TRNT1: variants seen among roughly 807,000 people sequenced by gnomAD.
TRNT1 encodes the protein tRNA nucleotidyl transferase 1.
In TRNT1, 44 loss-of-function variants were observed where a neutral mutation model predicts 45.6. That is an observed-to-expected ratio of 0.97 (90% CI 0.76 to 1.24). The LOEUF is 1.24. TRNT1 is among the 50% of genes most tolerant of loss of function. The pLI, the probability that TRNT1 is intolerant of heterozygous loss-of-function variation, is 0.00. For missense variants in TRNT1, 633 were observed against 504.4 expected, an observed-to-expected ratio of 1.25 and a Z score of -2.44; for synonymous variants, 201 against 171.4, an observed-to-expected ratio of 1.17 and a Z score of -1.35.
At chr3:3,149,743 A>C (rs981757010), downstream of TRNT1, 1 of 152,190 alleles carries the variant, frequency 6.6e-6, no homozygotes, top group African/African-American at 2.4e-5. Flanking sequence ...CTATTTACAT[A>C]AATATGCAGT....
At chr3:3,135,852 T>TG (rs1454819309) in intron 2 of TRNT1, among the ~76,000 whole-genome samples, 2 of 152,184 alleles carry the variant, frequency 1.3e-5, no homozygotes, top group Non-Finnish European at 2.9e-5. Flanking sequence ...AGGAGCAACA[T>TG]GCTGAGTGAG....
intron 4 of TRNT1, among the ~76,000 whole-genome samples, chr3:3,141,609 C>G (rs1351799540): frequency 6.6e-6 from 1 of 152,062 alleles, no homozygotes; most frequent in African/African-American, 2.4e-5. Context: ...GGGCTAGATA[C>G]GAATTAGGTT....
At chr3:3,146,700 T>G (rs1056255245) in intron 6 of TRNT1, 77 bp downstream of exon 6, 1 of 1,307,574 alleles carries the variant, frequency 7.6e-7, no homozygotes, top group Non-Finnish European at 1.0e-6. Context: ...AAAAAATGTT[T>G]GACTCATTTG....
chr3:3,146,671 G>A, intron 6 of TRNT1, 48 bp downstream of exon 6: 2 of 1,442,116 alleles, frequency 1.4e-6, no homozygotes, highest in South Asian at 1.4e-5. Flanking sequence ...TGAAATATCT[G>A]GTTTCAAATT....
intron 2 of TRNT1, among the ~76,000 whole-genome samples, chr3:3,131,135 CT>C (rs1174292123): frequency 6.6e-6 from 1 of 151,826 alleles, no homozygotes; most frequent in African/African-American, 2.4e-5. Context: ...TCTTTGAAGT[CT>C]GGCATGCATT....
chr3:3,139,262 T>G (rs985784262), intron 3 of TRNT1, among the ~76,000 whole-genome samples: 1 of 152,194 alleles, frequency 6.6e-6, no homozygotes, highest in Non-Finnish European at 1.5e-5. Context: ...GCAAACAGTT[T>G]TCCTATTTCA....
At chr3:3,130,080 T>A in intron 2 of TRNT1, 1 of 1,050,692 alleles carries the variant, frequency 9.5e-7, no homozygotes, top group Non-Finnish European at 1.4e-6. Context: ...ATTCTCAATG[T>A]TGTCTGCTGA....
At chr3:3,153,054 G>A, downstream of TRNT1, 1 of 308,192 alleles carries the variant, frequency 3.2e-6, no homozygotes, top group Non-Finnish European at 6.2e-6. Context: ...TATGTGTTCA[G>A]AAGCATGTCC....
chr3:3,144,659 A>C lies in TRNT1; in HGVS notation c.557A>C (p.His186Pro). ...LKNKKVRFVG[H>P]AKQRIQEDYL... Reference sequence around the variant, plus strand: ...AATAAGAAAGTTAGATTTGTTGGACATGCTAAACAGAGAATACAAGAGGAT... The same window carrying C: ...AATAAGAAAGTTAGATTTGTTGGACCTGCTAAACAGAGAATACAAGAGGAT... The change falls in exon 5 of 8, where the codon CAT becomes CCT. Residue 186 changes from histidine to proline, a missense_variant. His to Pro is a moderately conservative substitution (Grantham distance 77). Coordinates refer to ENST00000251607, the MANE Select transcript of TRNT1 (RefSeq NM_182916.3). The C allele has an allele frequency of 1.3e-6, 2 of 1,579,934 alleles. No homozygotes were observed. The highest frequency in any genetic ancestry group is 1.7e-6 in the Non-Finnish European group (2 of 1,154,486).
chr3:3,152,689 C>G (rs1706663034), downstream of TRNT1: 8 of 1,390,674 alleles, frequency 5.8e-6, no homozygotes, highest in South Asian at 8.5e-5. Flanking sequence ...GAGGTATGAG[C>G]TATACAGTTT....
intron 5 of TRNT1, chr3:3,144,911 C>T (rs1575061767): frequency 3.0e-6 from 1 of 328,304 alleles, no homozygotes; most frequent in Non-Finnish European, 5.2e-6. Context: ...CCAGAACGCA[C>T]ATATACTTTA....
intron 3 of TRNT1, among the ~76,000 whole-genome samples, chr3:3,140,118 A>G (rs1425457706): frequency 2.0e-5 from 3 of 152,182 alleles, no homozygotes; most frequent in South Asian, 2.1e-4. Context: ...GCTCAATGGC[A>G]AATGTTCCAT....
chr3:3,141,851 C>G (rs915700252), intron 4 of TRNT1, among the ~76,000 whole-genome samples: 1 of 152,170 alleles, frequency 6.6e-6, no homozygotes, highest in Non-Finnish European at 1.5e-5. Flanking sequence ...ATGACAGATA[C>G]AATTTCTAGG....
intron 5 of TRNT1, 109 bp from the exon 6 acceptor site, chr3:3,146,321 T>A: frequency 1.3e-6 from 1 of 745,788 alleles, no homozygotes; most frequent in Non-Finnish European, 2.1e-6. Context: ...AATTATATGT[T>A]GTTTTCATTA....
intron 1 of TRNT1, chr3:3,128,121 G>C (rs1263113771): frequency 1.3e-5 from 2 of 152,174 alleles, no homozygotes; most frequent in African/African-American, 4.8e-5. Flanking sequence ...TCTGGAGCCT[G>C]AGTAAATTTA....
chr3:3,140,703 A>G, intron 4 of TRNT1, 55 bp downstream of exon 4: 1 of 1,569,920 alleles, frequency 6.4e-7, no homozygotes, highest in Admixed American at 1.8e-5. Context: ...CTTCTTTTCA[A>G]GTAAAACCTA....
downstream of TRNT1, among the ~76,000 whole-genome samples, chr3:3,152,150 A>AGTT (rs200409719): frequency 4.1e-5 from 6 of 147,096 alleles, no homozygotes; most frequent in Middle Eastern, 3.3e-3. Context: ...ATTTAAATAA[A>AGTT]TTTTTTTTTT....
At chr3:3,136,867 T>G in intron 2 of TRNT1, 1 of 299,608 alleles carries the variant, frequency 3.3e-6, no homozygotes, top group Non-Finnish European at 6.6e-6. Flanking sequence ...CCCAGGCTGG[T>G]CTTGAACTCC....
chr3:3,133,867 T>A (rs1331971935), intron 2 of TRNT1, among the ~76,000 whole-genome samples: 1 of 151,990 alleles, frequency 6.6e-6, no homozygotes, highest in Non-Finnish European at 1.5e-5. Context: ...CACTGCCCCT[T>A]ACCCCACCCC....
Sources: gnomAD v4.1 joint callset for allele counts (sites outside exome capture counted in the v4.1 genomes callset) on GRCh38, gnomAD v4.1.1 for gene constraint, MANE v1.5 for transcripts, NCBI Gene and HGNC (gene_info 2026-07-23, HGNC 2026-07-21) for gene names.